The following CD200R1L variants were observed in gnomAD, a reference collection of about 807,000 sequenced individuals.
CD200R1L encodes the protein CD200 receptor 1 like, also known as cell surface glycoprotein CD200 receptor 2.
CD200R1L carries 14 observed loss-of-function variants against 24.8 expected under a neutral mutation model. The observed-to-expected ratio is 0.56, with a 90% CI of 0.37 to 0.88. CD200R1L has a LOEUF of 0.88. Among genes scored for constraint, CD200R1L ranks in the 40% least tolerant of loss-of-function variants. CD200R1L has a pLI of 0.00. For missense variants in CD200R1L, 299 were observed against 297.8 expected, an observed-to-expected ratio of 1.00 and a Z score of -0.03; for synonymous variants, 111 against 109.2, an observed-to-expected ratio of 1.02 and a Z score of -0.11.
intron 2 of CD200R1L, among the ~76,000 whole-genome samples, chr3:112,844,784 TGTG>T (rs1230095011): frequency 6.6e-6 from 1 of 151,600 alleles, no homozygotes; most frequent in Non-Finnish European, 1.5e-5. Context: ...ATTAGCCAGG[TGTG>T]GTGGCGGGTG....
intron 6 of CD200R1L, among the ~76,000 whole-genome samples, chr3:112,824,404 G>T (rs1342051574): frequency 6.6e-6 from 1 of 152,182 alleles, no homozygotes; most frequent in Non-Finnish European, 1.5e-5. Flanking sequence ...TGCAGGAGAA[G>T]CTGTCCAGTT....
chr3:112,842,431 G>C (rs1223390875), intron 2 of CD200R1L, among the ~76,000 whole-genome samples: 1 of 152,152 alleles, frequency 6.6e-6, no homozygotes, highest in African/African-American at 2.4e-5. Flanking sequence ...TGTGATAATT[G>C]TGTTAACTGT....
At chr3:112,845,462 C>T (rs974603200) in intron 2 of CD200R1L, among the ~76,000 whole-genome samples, 2 of 152,172 alleles carry the variant, frequency 1.3e-5, no homozygotes, top group Non-Finnish European at 2.9e-5. Context: ...TCACTTCAAT[C>T]CCAGCCCCCA....
At chr3:112,818,750 G>A (rs979438935) in intron 7 of CD200R1L, 4 of 154,406 alleles carry the variant, frequency 2.6e-5, no homozygotes, top group Non-Finnish European at 5.9e-5. Context: ...TTGAAAAGCA[G>A]TTGTTTCACA....
chr3:112,836,168 G>A (rs148459417), intron 3 of CD200R1L, among the ~76,000 whole-genome samples: 219 of 152,328 alleles, frequency 1.4e-3, no homozygotes, highest in African/African-American at 5.0e-3. Flanking sequence ...CTGGCCATGC[G>A]AGACTGGGGG....
In CD200R1L at chr3:112,837,983, GTCA is replaced by G; in HGVS notation, c.-62_-60del. On this transcript the variant is annotated 5_prime_UTR_variant, in exon 3 of 8. An upstream start codon of the reference 5' UTR is lost. Coordinates refer to ENST00000488794, the MANE Select transcript of CD200R1L (RefSeq NM_001199215.3). ...TCTCTAACTTTGTATTTCCAGTTGT[GTCA>G]TCAGACAGGAATTATTATCTGAGGC... The G allele has an allele frequency of 8.1e-7, 1 of 1,239,526 alleles. No homozygotes were observed. The highest frequency in any genetic ancestry group is 1.0e-6 in the Non-Finnish European group (1 of 967,224). 76.8% of individuals were successfully genotyped at this position (1,239,526 alleles called of 1,614,324 possible). A position where few individuals can be genotyped will look rare whatever the true frequency, so the allele number is the denominator to read the frequency against.
intron 2 of CD200R1L, among the ~76,000 whole-genome samples, chr3:112,841,776 C>A (rs118042684): frequency 4.6e-5 from 7 of 152,196 alleles, no homozygotes; most frequent in African/African-American, 1.7e-4. Context: ...TTGGCCCCCC[C>A]GGAACACCTG....
At chr3:112,824,101 G>T (rs2107334163) in intron 6 of CD200R1L, among the ~76,000 whole-genome samples, 1 of 152,220 alleles carries the variant, frequency 6.6e-6, no homozygotes, top group Non-Finnish European at 1.5e-5. Flanking sequence ...CAATAATCCT[G>T]ATTACTGATT....
At chr3:112,838,919 A>G (rs1008951200) in intron 2 of CD200R1L, among the ~76,000 whole-genome samples, 2 of 152,318 alleles carry the variant, frequency 1.3e-5, no homozygotes, top group African/African-American at 2.4e-5. Context: ...AGTAAGAAAA[A>G]AAATTCTCTT....
chr3:112,844,651 G>A (rs746142574), intron 2 of CD200R1L, among the ~76,000 whole-genome samples: 10 of 152,314 alleles, frequency 6.6e-5, no homozygotes, highest in African/African-American at 1.9e-4. Context: ...AAAAGGCCGC[G>A]CGTGGTGGCT....
chr3:112,841,060 T>C (rs1382146861), intron 2 of CD200R1L, among the ~76,000 whole-genome samples: 1 of 152,066 alleles, frequency 6.6e-6, no homozygotes, highest in Non-Finnish European at 1.5e-5. Flanking sequence ...GAAAAATATA[T>C]TGATGGTTTG....
At chr3:112,830,917 T>G (rs1938782103) in intron 3 of CD200R1L, among the ~76,000 whole-genome samples, 2 of 151,238 alleles carry the variant, frequency 1.3e-5, no homozygotes, top group African/African-American at 4.9e-5. Flanking sequence ...CATTTAAAGT[T>G]GCTGTCTCCA....
chr3:112,829,539 G>A (rs1938746189), intron 3 of CD200R1L, 155 bp from the exon 4 acceptor site: 1 of 877,954 alleles, frequency 1.1e-6, no homozygotes, highest in South Asian at 5.2e-5. Flanking sequence ...TAGAAGTTAT[G>A]CCATCATTAG....
chr3:112,826,292 A>G (rs1938654992), intron 6 of CD200R1L, among the ~76,000 whole-genome samples: 1 of 152,170 alleles, frequency 6.6e-6, no homozygotes, highest in Admixed American at 6.5e-5. Context: ...TATTAATACA[A>G]TTATATGTAC....
chr3:112,844,201 C>T (rs995708147), intron 2 of CD200R1L, among the ~76,000 whole-genome samples: 1 of 152,170 alleles, frequency 6.6e-6, no homozygotes, highest in Non-Finnish European at 1.5e-5. Flanking sequence ...TTGGGCCTAA[C>T]AGACATCTAC....
intron 3 of CD200R1L, among the ~76,000 whole-genome samples, chr3:112,831,991 A>G (rs1396382107): frequency 6.6e-6 from 1 of 152,094 alleles, no homozygotes; most frequent in Non-Finnish European, 1.5e-5. Context: ...CTGTATTATC[A>G]TTATTATTAT....
chr3:112,824,504 C>T (rs1365113506), intron 6 of CD200R1L, among the ~76,000 whole-genome samples: 1 of 151,916 alleles, frequency 6.6e-6, no homozygotes, highest in Non-Finnish European at 1.5e-5. Flanking sequence ...GTGGTTGAAG[C>T]CACAGGTATG....
chr3:112,835,837 AG>A (rs1323983110), intron 3 of CD200R1L, among the ~76,000 whole-genome samples: 1 of 152,386 alleles, frequency 6.6e-6, no homozygotes, highest in East Asian at 1.9e-4. Flanking sequence ...AGGGGTGCCC[AG>A]GTTGCAGCCG....
intron 7 of CD200R1L, among the ~76,000 whole-genome samples, chr3:112,817,186 G>T (rs530750092): frequency 2.6e-4 from 40 of 151,982 alleles, no homozygotes; most frequent in African/African-American, 9.2e-4. Context: ...TAATAAAAAA[G>T]AAAGGCACAC....
Sources: gnomAD v4.1 joint callset for allele counts (sites outside exome capture counted in the v4.1 genomes callset) on GRCh38, gnomAD v4.1.1 for gene constraint, MANE v1.5 for transcripts, NCBI Gene and HGNC (gene_info 2026-07-23, HGNC 2026-07-21) for gene names.